The following CD1C variants were observed in gnomAD, a reference collection of about 807,000 sequenced individuals.
The protein encoded by CD1C is T-cell surface glycoprotein CD1c.
Under a neutral mutation model 39.4 loss-of-function variants are expected in CD1C, and 47 were observed. The observed-to-expected ratio is 1.19, with a 90% CI of 0.94 to 1.52. The LOEUF (loss-of-function observed/expected upper bound fraction) is 1.52, where lower values mean the gene tolerates loss of function less well. Ranked by LOEUF, CD1C falls within the 40% of genes most tolerant of loss-of-function variation. The probability of loss-of-function intolerance (pLI) is 0.00; values close to 1 mark genes in which losing one functional copy is unlikely to be tolerated. For synonymous variants in CD1C, 165 were observed against 150.8 expected (o/e 1.09, Z -0.69); for missense variants, 417 against 395.2 (o/e 1.06, Z -0.47).
intron 3 of CD1C, 32 bp downstream of exon 3, chr1:158,292,397 T>C (rs1261370910): frequency 6.3e-7 from 1 of 1,593,708 alleles, no homozygotes; most frequent in Admixed American, 1.7e-5. Context: ...CTCTAAGATT[T>C]TTCTATTCAA....
At chr1:158,291,909 C>T (rs1250898579) in intron 2 of CD1C, among the ~76,000 whole-genome samples, 175 bp from the exon 3 acceptor site, 1 of 152,076 alleles carries the variant, frequency 6.6e-6, no homozygotes, top group Non-Finnish European at 1.5e-5. Context: ...TCTTATTGTC[C>T]CCTTCCCTAT....
chr1:158,291,110 T>A, intron 1 of CD1C, 24 bp from the exon 2 acceptor site: 3 of 1,586,488 alleles, frequency 1.9e-6, no homozygotes, highest in Non-Finnish European at 1.7e-6. Context: ...TTCCTTACAC[T>A]ACTTGCCCTT....
Position 158,292,216 on chromosome 1 carries a change from G to C in CD1C, c.461G>C (p.Gly154Ala). 1 of 1,614,160 alleles carries C rather than the reference G, an allele frequency of 6.2e-7. No individual in the cohort carries two copies. Among genetic ancestry groups the C allele is most frequent in the Non-Finnish European group, 8.5e-7 (1 of 1,180,038 alleles). ...FQNTTWVPSPGCGSLAQSVCH... is the reference protein window; with the variant it reads ...FQNTTWVPSPACGSLAQSVCH... ...AATACAACATGGGTGCCATCTCCAG[G>C]CTGTGGAAGTTTGGCCCAAAGTGTC... Residue 154 changes from glycine (G) to alanine (A), a missense_variant, in exon 3 of 6, where the codon GGC (glycine) becomes GCC (alanine). Physicochemically the swap from Gly to Ala is moderately conservative, Grantham distance 60. Coordinates refer to ENST00000368170, the MANE Select transcript of CD1C (RefSeq NM_001765.3).
rs3176969 is a variant in CD1C, at chr1:158,292,786, C to A, written c.801C>A (p.Ile267=). 6.8e-6 allele frequency: 11 copies of A among 1,614,040 alleles called. No individual in the cohort carries two copies. Among genetic ancestry groups the A allele is most frequent in the African/African-American group, 2.7e-5 (2 of 74,922 alleles). The change falls in exon 4 of 6, where the codon ATC becomes ATA. Residue 267 remains isoleucine (I), a synonymous_variant. Coordinates refer to ENST00000368170, the MANE Select transcript of CD1C (RefSeq NM_001765.3). ...ATGGGACATGGTATCTTCAGGTGAT[C>A]CTGGAGGTGGCATCTGAGGAGCCTG... ...NADGTWYLQV[I]LEVASEEPAG...
At chr1:158,292,920 G>A in intron 4 of CD1C, 46 bp downstream of exon 4, 1 of 1,580,400 alleles carries the variant, frequency 6.3e-7, no homozygotes, top group Non-Finnish European at 8.6e-7. Context: ...CTTGAGCCTA[G>A]AGGTTAGGGG....
chr1:158,292,325 G>A lies in CD1C; in HGVS notation c.570G>A (p.Leu190=), dbSNP rs1294722347. The A allele has an allele frequency of 6.2e-7, 1 of 1,614,120 alleles. No homozygotes were observed. The highest frequency in any genetic ancestry group is 1.7e-5 in the Admixed American group (1 of 60,022). ...LIRSTCPRFL[L]GLLDAGKMYV... is the part of the protein sequence containing the mutation. The stretch of plus-strand genomic sequence containing the variant: ...GAAGCACTTGCCCCCGATTTCTCTT[G>A]GGTCTCCTGGATGCAGGGAAGATGT... Residue 190 remains leucine, a synonymous_variant, in exon 3 of 6, where the codon TTG becomes TTA. Transcript: ENST00000368170.
intron 2 of CD1C, 105 bp from the exon 3 acceptor site, chr1:158,291,979 C>A: frequency 8.9e-7 from 1 of 1,127,416 alleles, no homozygotes; most frequent in Non-Finnish European, 1.3e-6. Context: ...CTCTCACATC[C>A]ATGTAAAACT....
In CD1C at chr1:158,292,673, T is replaced by A. The variant is rs779452323; in HGVS notation, c.688T>A (p.Phe230Ile). ...GTTGCTGGTTTGTCATGCCTCCGGC[T>A]TCTACCCAAAGCCTGTTTGGGTGAC... ...QLLLVCHASG[F>I]YPKPVWVTWM... Residue 230 changes from phenylalanine to isoleucine, a missense_variant, in exon 4 of 6, where the codon TTC becomes ATC. Phe to Ile is a conservative substitution (Grantham distance 21). Transcript: ENST00000368170. 1.9e-6 allele frequency: 3 copies of A among 1,613,992 alleles called. No individual in the cohort carries two copies. The Admixed American group carries it at 5.0e-5, about 27-fold the overall frequency.
Position 158,292,892 on chromosome 1 carries a change from A to C in CD1C, c.889+18A>C. 1.9e-6 allele frequency: 3 copies of C among 1,611,882 alleles called. No individual in the cohort carries two copies. Among genetic ancestry groups the C allele is most frequent in the Non-Finnish European group, 2.5e-6 (3 of 1,178,496 alleles). ...CTACTGGGGTAAGACTGGAGGTTGG[A>C]AGTGTAGGTAGGTGGTTCTTGAGCC... On this transcript the variant is annotated intron_variant, in intron 4 of 5. Transcript: ENST00000368170.
At position 158,290,039 on chromosome 1, in the gene CD1C, G is replaced by T. The variant is rs750304327; in HGVS notation, c.-26G>T. 13 of 1,611,226 alleles carry T rather than the reference G, an allele frequency of 8.1e-6. No homozygotes were observed. The highest frequency in any genetic ancestry group is 3.3e-4 in the Middle Eastern group (2 of 6,054). On this transcript the variant is annotated 5_prime_UTR_variant, in exon 1 of 6. The change abolishes the stop of an existing upstream ORF in the 5' untranslated region. Transcript: ENST00000368170. The stretch of plus-strand genomic sequence containing the variant: ...ACAGAGATCAGCAAACAGCTTTTCT[G>T]AGAGAAAGAAACATCTGCAAATGAC...
In CD1C at chr1:158,293,592, A is replaced by G; in HGVS notation, c.*116A>G. On this transcript the variant is annotated 3_prime_UTR_variant, in exon 6 of 6. Transcript: ENST00000368170. ...TTTAAATTGTTTCTCTTTCTGCATAATAAACATTTGTTAATAAAAACCAAA... is the reference window on the plus strand; with the variant it reads ...TTTAAATTGTTTCTCTTTCTGCATAGTAAACATTTGTTAATAAAAACCAAA... 2 of 1,612,000 alleles carry G rather than the reference A, an allele frequency of 1.2e-6. No individual in the cohort carries two copies. Among genetic ancestry groups the G allele is most frequent in the South Asian group, 1.1e-5 (1 of 90,760 alleles).
At position 158,290,032 on chromosome 1, in the gene CD1C, C is replaced by T. The variant is rs1461731247; in HGVS notation, c.-33C>T. ...GCTAAGAACAGAGATCAGCAAACAG[C>T]TTTTCTGAGAGAAAGAAACATCTGC... On this transcript the variant is annotated 5_prime_UTR_variant, in exon 1 of 6. Coordinates refer to ENST00000368170, the MANE Select transcript of CD1C (RefSeq NM_001765.3). The T allele has an allele frequency of 6.2e-7, 1 of 1,604,632 alleles. No individual in the cohort carries two copies. The highest frequency in any genetic ancestry group is 2.2e-5 in the East Asian group (1 of 44,828).
chr1:158,291,968 A>G, intron 2 of CD1C, 116 bp from the exon 3 acceptor site: 1 of 990,600 alleles, frequency 1.0e-6, no homozygotes, highest in Non-Finnish European at 1.5e-6. Flanking sequence ...TCTTTGGCTC[A>G]CTCTCACATC....
chr1:158,292,863 T>C lies in CD1C; in HGVS notation c.878T>C (p.Ile293Thr). The C allele has an allele frequency of 6.2e-7, 1 of 1,614,066 alleles. No homozygotes were observed. Residue 293 changes from isoleucine to threonine, a missense_variant, in exon 4 of 6, where the codon ATC (isoleucine) becomes ACC (threonine). Coordinates refer to ENST00000368170, the MANE Select transcript of CD1C (RefSeq NM_001765.3). ...RHSSLGGQDI[I>T]LYWGHHFSMN... is the part of the protein sequence containing the mutation. ...AGCAGTCTAGGAGGCCAGGACATCA[T>C]CCTCTACTGGGGTAAGACTGGAGGT...
chr1:158,294,123 C>G lies in CD1C; in HGVS notation c.*647C>G, dbSNP rs114449264. Reference sequence around the variant, plus strand: ...TTCTAAACACAGAGAATTACAAATGCAAATAGACAGAGAGTGTGCAAGTTA... The same window carrying G: ...TTCTAAACACAGAGAATTACAAATGGAAATAGACAGAGAGTGTGCAAGTTA... On this transcript the variant is annotated 3_prime_UTR_variant, in exon 6 of 6. Coordinates refer to ENST00000368170, the MANE Select transcript of CD1C (RefSeq NM_001765.3). Among the ~76,000 whole-genome samples, 295 of 152,250 alleles carry G rather than the reference C, an allele frequency of 1.9e-3. No individual in the cohort carries two copies. The highest frequency in any genetic ancestry group is 3.1e-3 in the Non-Finnish European group (213 of 68,032).
At position 158,293,877 on chromosome 1, in the gene CD1C, CACAAA is replaced by C. The variant is rs1651143580; in HGVS notation, c.*410_*414del. On this transcript the variant is annotated 3_prime_UTR_variant, in exon 6 of 6. Transcript: ENST00000368170. ...CCTGCATATGATAGGCTCAGTGAAA[CACAAA>C]ACAAAACATCATATCTAAGTTGGAT... is the stretch of plus-strand genomic sequence containing the variant. Among the ~76,000 whole-genome samples, 1 of 152,144 alleles carries C rather than the reference CACAAA, an allele frequency of 6.6e-6. No individual in the cohort carries two copies. Among genetic ancestry groups the C allele is most frequent in the South Asian group, 2.1e-4 (1 of 4,826 alleles).
At chr1:158,292,938 A>G in intron 4 of CD1C, 64 bp downstream of exon 4, 3 of 1,522,978 alleles carry the variant, frequency 2.0e-6, no homozygotes, top group East Asian at 2.3e-5. Context: ...GGGAGAGGAA[A>G]TTTTGAGGAT....
Position 158,293,765 on chromosome 1 carries a change from C to T in CD1C, c.*289C>T. 1 of 591,976 alleles carries T rather than the reference C, an allele frequency of 1.7e-6. No homozygotes were observed. Among genetic ancestry groups the T allele is most frequent in the Non-Finnish European group, 3.0e-6 (1 of 338,398 alleles). 36.7% of individuals were successfully genotyped at this position (591,976 alleles called of 1,614,324 possible). On this transcript the variant is annotated 3_prime_UTR_variant, in exon 6 of 6. Coordinates refer to ENST00000368170, the MANE Select transcript of CD1C (RefSeq NM_001765.3). ...CCTCAACTGTTATGTGCATGCAACA[C>T]TTCCTACCCTGTGTTGCAGCTACTT...
chr1:158,293,491 A>G lies in CD1C; in HGVS notation c.*15A>G. The G allele has an allele frequency of 6.2e-7, 1 of 1,612,906 alleles. No homozygotes were observed. The highest frequency in any genetic ancestry group is 8.5e-7 in the Non-Finnish European group (1 of 1,179,760). On this transcript the variant is annotated 3_prime_UTR_variant, in exon 6 of 6. Coordinates refer to ENST00000368170, the MANE Select transcript of CD1C (RefSeq NM_001765.3). The stretch of plus-strand genomic sequence containing the variant: ...ACATCCTGTGAGACTCTTCCCCCTG[A>G]CTCCCCCATTGTGTTAAGAACCCAG...
Sources: allele counts gnomAD v4.1 joint callset (sites outside exome capture counted in the v4.1 genomes callset), GRCh38; gene constraint gnomAD v4.1.1; transcripts MANE v1.5; gene names NCBI Gene and HGNC (gene_info 2026-07-23, HGNC 2026-07-21).